CNTN3: variants seen among roughly 807,000 people sequenced by gnomAD.
CNTN3 encodes contactin 3.
CNTN3 carries 60 observed loss-of-function variants against 119.1 expected under a neutral mutation model. That is an observed-to-expected ratio of 0.50 (90% CI 0.41 to 0.62). The LOEUF is 0.62. CNTN3 is among the 20% of genes least tolerant of loss of function. The pLI is 0.00. For synonymous variants in CNTN3, 450 were observed against 438.7 expected (o/e 1.03, Z -0.32); for missense variants, 1,101 against 1,242.4 (o/e 0.89, Z 1.71).
chr3:74,526,111 G>A (rs758556620), intron 1 of CNTN3, among the ~76,000 whole-genome samples: 6 of 151,620 alleles, frequency 4.0e-5, no homozygotes, highest in Non-Finnish European at 5.9e-5. Context: ...TAACTGTAAG[G>A]ATTGCTTAAT....
intron 4 of CNTN3, among the ~76,000 whole-genome samples, chr3:74,472,929 G>T (rs9833867): frequency 0.3 from 44,894 of 151,952 alleles, 6,817 homozygotes; most frequent in Non-Finnish European, 0.34. Context: ...TTAGCTAATT[G>T]TCGGTAATTT....
intron 4 of CNTN3, among the ~76,000 whole-genome samples, chr3:74,440,182 C>A (rs1341308131): frequency 6.6e-6 from 1 of 152,116 alleles, no homozygotes; most frequent in Non-Finnish European, 1.5e-5. Flanking sequence ...CCATCTCCCC[C>A]ACTAACTAGA....
intron 11 of CNTN3, among the ~76,000 whole-genome samples, chr3:74,347,279 T>G (rs1703714325): frequency 6.6e-6 from 1 of 152,222 alleles, no homozygotes; most frequent in Non-Finnish European, 1.5e-5. Flanking sequence ...TCTCGCTCTG[T>G]CATCCAGGTT....
At chr3:74,558,551 A>T (rs529173895) in intron 1 of CNTN3, among the ~76,000 whole-genome samples, 1 of 152,334 alleles carries the variant, frequency 6.6e-6, no homozygotes, top group African/African-American at 2.4e-5. Flanking sequence ...AGAACAGCAT[A>T]GAGATGGTCT....
chr3:74,308,843 T>C (rs1248233150), intron 13 of CNTN3, among the ~76,000 whole-genome samples: 1 of 152,162 alleles, frequency 6.6e-6, no homozygotes, highest in Non-Finnish European at 1.5e-5. Context: ...AATGTGGGAA[T>C]TGACATATAA....
chr3:74,477,307 G>A (rs1300155254), intron 4 of CNTN3, among the ~76,000 whole-genome samples: 1 of 152,104 alleles, frequency 6.6e-6, no homozygotes, highest in African/African-American at 2.4e-5. Context: ...CTGTGTCTGT[G>A]CCTTGAGCAA....
At position 74,371,856 on chromosome 3, in the gene CNTN3, C is replaced by T. The variant is rs1323312179; in HGVS notation, c.455-457G>A. On this transcript the variant is annotated intron_variant, in intron 5 of 22. Coordinates refer to ENST00000263665, the MANE Select transcript of CNTN3 (RefSeq NM_020872.3). The stretch of plus-strand genomic sequence containing the variant: ...AAGGTCCTGCTCAAAACCTTAGCCT[C>T]GGAGAAGCCCCATGCTCTCTTTTGT... 1.9e-4 allele frequency among the ~76,000 whole-genome samples: 29 copies of T among 152,088 alleles called. 1 individual carries two copies. The highest frequency in any genetic ancestry group is 1.6e-3 in the Admixed American group (24 of 15,262).
chr3:74,319,733 T>C (rs1217595627), intron 13 of CNTN3, among the ~76,000 whole-genome samples: 3 of 150,274 alleles, frequency 2.0e-5, no homozygotes, highest in African/African-American at 7.3e-5. Flanking sequence ...ACAGGCACCC[T>C]ACAAAATGGG....
At chr3:74,294,531 C>A (rs777134223) in intron 19 of CNTN3, among the ~76,000 whole-genome samples, 15 of 152,316 alleles carry the variant, frequency 9.8e-5, no homozygotes, top group Non-Finnish European at 1.8e-4. Context: ...AGCCTTACTA[C>A]CCTTATGAAG....
intron 1 of CNTN3, among the ~76,000 whole-genome samples, chr3:74,535,641 G>A (rs186330667): frequency 4.6e-5 from 7 of 152,228 alleles, no homozygotes; most frequent in Non-Finnish European, 2.9e-5. Context: ...GATACAATGC[G>A]AGCCTGGGGC....
intron 5 of CNTN3, among the ~76,000 whole-genome samples, chr3:74,402,748 A>C (rs1053166438): frequency 1.3e-5 from 2 of 152,222 alleles, no homozygotes; most frequent in African/African-American, 4.8e-5. Context: ...GCTATGAAGA[A>C]AATAAACCCA....
intron 20 of CNTN3, 28 bp downstream of exon 20, chr3:74,285,277 C>T: frequency 6.4e-7 from 1 of 1,571,008 alleles, no homozygotes; most frequent in East Asian, 2.3e-5. Flanking sequence ...ATTTTCCGTA[C>T]CATTCAAAGA....
intron 1 of CNTN3, among the ~76,000 whole-genome samples, chr3:74,588,708 C>G (rs1408776521): frequency 6.6e-6 from 1 of 152,164 alleles, no homozygotes; most frequent in Non-Finnish European, 1.5e-5. Context: ...TCAAACTATA[C>G]TACAAGGCTA....
intron 1 of CNTN3, among the ~76,000 whole-genome samples, chr3:74,608,778 T>C (rs1575866578): frequency 3.9e-5 from 6 of 152,324 alleles, no homozygotes; most frequent in Admixed American, 3.9e-4. Context: ...AGTCTTAACA[T>C]GTGCATGCTA....
Position 74,299,987 on chromosome 3 carries a change from T to C in CNTN3, c.2096-49A>G, listed in dbSNP as rs377366811. 314 of 1,189,944 alleles carry C rather than the reference T, an allele frequency of 2.6e-4. 1 individual carries two copies. Among genetic ancestry groups the C allele is most frequent in the Admixed American group, 3.0e-4 (12 of 40,526 alleles). 73.7% of individuals were successfully genotyped at this position (1,189,944 alleles called of 1,614,324 possible). ...ATGAAATGGTACTTGCATTTAGTAA[T>C]ATTTATCTAAAAGATAATGCAATGT... On this transcript the variant is annotated intron_variant, in intron 16 of 22. Coordinates refer to ENST00000263665, the MANE Select transcript of CNTN3 (RefSeq NM_020872.3).
intron 1 of CNTN3, among the ~76,000 whole-genome samples, chr3:74,561,992 A>T (rs1704160683): frequency 6.6e-6 from 1 of 152,174 alleles, no homozygotes. Flanking sequence ...ACAGGTTCAC[A>T]AGATCTTTAG....
At chr3:74,266,813 T>A (rs1245871672) in intron 21 of CNTN3, among the ~76,000 whole-genome samples, 164 bp from the exon 22 acceptor site, 1 of 152,110 alleles carries the variant, frequency 6.6e-6, no homozygotes, top group African/African-American at 2.4e-5. Context: ...GGTTAGCACA[T>A]GGCAGAATCA....
intron 1 of CNTN3, among the ~76,000 whole-genome samples, chr3:74,574,026 C>T (rs953934132): frequency 2.6e-5 from 4 of 151,952 alleles, no homozygotes; most frequent in African/African-American, 9.7e-5. Flanking sequence ...TCATAATAGG[C>T]AAAAAGTGGA....
rs1213220438 is a variant in CNTN3 at position 74,454,449 on chromosome 3, T to C, written c.359-29509A>G. On this transcript the variant is annotated intron_variant, in intron 4 of 22. Transcript: ENST00000263665. Reference sequence around the variant, plus strand: ...TTCCTGAATACAACACACTGATGGGTCTTGACTCTTTATCCAATTTGCCAG... The same window carrying C: ...TTCCTGAATACAACACACTGATGGGCCTTGACTCTTTATCCAATTTGCCAG... Among the ~76,000 whole-genome samples the C allele has an allele frequency of 2.0e-5, 3 of 151,814 alleles. No individual in the cohort carries two copies. In the South Asian group the frequency reaches 6.3e-4, roughly 32 times the overall value.
Sources: allele counts gnomAD v4.1 joint callset (sites outside exome capture counted in the v4.1 genomes callset), GRCh38; gene constraint gnomAD v4.1.1; transcripts MANE v1.5; gene names NCBI Gene and HGNC (gene_info 2026-07-23, HGNC 2026-07-21).